NTHL1: variants seen among roughly 807,000 people sequenced by gnomAD.
The protein encoded by NTHL1 is endonuclease III-like protein 1.
In NTHL1, 32 loss-of-function variants were observed where a neutral mutation model predicts 32.3. That is an observed-to-expected ratio of 0.99 (90% CI 0.75 to 1.33). NTHL1 has a LOEUF of 1.33. Ranked by LOEUF, NTHL1 falls within the 40% of genes most tolerant of loss-of-function variation. The pLI, the probability that NTHL1 is intolerant of heterozygous loss-of-function variation, is 0.00. For missense variants in NTHL1, 501 were observed against 414.1 expected, an observed-to-expected ratio of 1.21 and a Z score of -1.82; for synonymous variants, 188 against 176.9, an observed-to-expected ratio of 1.06 and a Z score of -0.50.
Position 2,044,717 on chromosome 16 carries a change from C to T in NTHL1, c.438G>A (p.Leu146=), listed in dbSNP as rs201521100. ...DQVTAGAMQR[L]RARGLTVDSI... is the part of the protein sequence containing the mutation. ...TGTCCACCGTCAGGCCCCGCGCCCG[C>T]AGTCGCTGCATGGCGCCCGCCGTCA... Residue 146 remains leucine, a synonymous_variant, in exon 3 of 6, where the codon CTG becomes CTA. Transcript: ENST00000651570. This position sits in a 1 kb window ranked among gnomAD's most constrained non-coding sequence, Gnocchi z 5.0. 6 of 1,612,266 alleles carry T rather than the reference C, an allele frequency of 3.7e-6. No homozygotes were observed. Among genetic ancestry groups the T allele is most frequent in the Non-Finnish European group, 5.1e-6 (6 of 1,179,830 alleles).
chr16:2,046,854 C>T (rs2084430885), intron 1 of NTHL1: 1 of 157,128 alleles, frequency 6.4e-6, no homozygotes, highest in Non-Finnish European at 1.4e-5. Context: ...GGCCTATAGT[C>T]TCAGCTACTT....
chr16:2,046,184 C>T lies in NTHL1; in HGVS notation c.298G>A (p.Ala100Thr), dbSNP rs772576699. 14 of 1,613,162 alleles carry T rather than the reference C, an allele frequency of 8.7e-6. No homozygotes were observed. Among genetic ancestry groups the T allele is most frequent in the Non-Finnish European group, 1.2e-5 (14 of 1,180,014 alleles). ...TCAGTCCCCAGATGGTCCACAGGTG[C>T]ATCCTTTTTGTTCCTCATGGCACGG... ...NIRAMRNKKD[A>T]PVDHLGTEHC... The change falls in exon 2 of 6, where the codon GCA (alanine) becomes ACA (threonine). Residue 100 changes from alanine to threonine, a missense_variant. Coordinates refer to ENST00000651570, the MANE Select transcript of NTHL1 (RefSeq NM_002528.7).
rs532309638 is a variant in NTHL1, at chr16:2,040,989, C to T, written c.686-751G>A. On this transcript the variant is annotated intron_variant, in intron 4 of 5. Coordinates refer to ENST00000651570, the MANE Select transcript of NTHL1 (RefSeq NM_002528.7). Reference sequence around the variant, plus strand: ...CTGGCCGGCCGCAGCTGCTGTCCACCTGGGTTCTGGCTCCTGCTCCCCTCA... The same window carrying T: ...CTGGCCGGCCGCAGCTGCTGTCCACTTGGGTTCTGGCTCCTGCTCCCCTCA... Among the ~76,000 whole-genome samples, 887 of 152,350 alleles carry T rather than the reference C, an allele frequency of 5.8e-3. 5 individuals carry two copies. Among genetic ancestry groups the T allele is most frequent in the Non-Finnish European group, 9.9e-3 (672 of 68,026 alleles).
At chr16:2,042,304 A>G (rs2150940087) in intron 4 of NTHL1, among the ~76,000 whole-genome samples, 1 of 152,266 alleles carries the variant, frequency 6.6e-6, no homozygotes, top group African/African-American at 2.4e-5. Flanking sequence ...CCGCCCAGAT[A>G]AGCTCAAGTG....
chr16:2,047,463 A>C, intron 1 of NTHL1: 1 of 613,480 alleles, frequency 1.6e-6, no homozygotes, highest in Non-Finnish European at 2.8e-6. Flanking sequence ...TGGGAAAGGA[A>C]GCGTTTTCTT....
Position 2,043,785 on chromosome 16 carries a change from T to C in NTHL1, c.526-59A>G. 1.9e-6 allele frequency: 3 copies of C among 1,597,412 alleles called. No individual in the cohort carries two copies. Among genetic ancestry groups the C allele is most frequent in the Non-Finnish European group, 2.6e-6 (3 of 1,173,852 alleles). Reference sequence around the variant, plus strand: ...AAGGGCACAGCCCAACCTGGGAGGATGCAGCCCCCAGGAGACCCACAGGTG... The same window carrying C: ...AAGGGCACAGCCCAACCTGGGAGGACGCAGCCCCCAGGAGACCCACAGGTG... On this transcript the variant is annotated intron_variant, in intron 3 of 5. Transcript: ENST00000651570. This position sits in a 1 kb window ranked among gnomAD's most constrained non-coding sequence, Gnocchi z 4.4.
At chr16:2,042,623 A>C (rs1163825705) in intron 4 of NTHL1, among the ~76,000 whole-genome samples, 1 of 152,100 alleles carries the variant, frequency 6.6e-6, no homozygotes, top group African/African-American at 2.4e-5. Flanking sequence ...GTGTGGCCTT[A>C]GGAGCCCCAA....
intron 1 of NTHL1, chr16:2,047,320 C>T: frequency 3.5e-6 from 1 of 283,160 alleles, no homozygotes; most frequent in Non-Finnish European, 6.8e-6. Context: ...AGGCACCCTC[C>T]CCCGAGCTGG....
intron 4 of NTHL1, among the ~76,000 whole-genome samples, chr16:2,040,835 C>T (rs979611286): frequency 2.6e-5 from 4 of 152,218 alleles, no homozygotes; most frequent in Non-Finnish European, 4.4e-5. Context: ...AGGCTCCTCT[C>T]GGCATAAGCA....
Position 2,044,691 on chromosome 16 carries a change from C to T in NTHL1, c.464G>A (p.Ser155Asn), listed in dbSNP as rs1314362714. ...CGTGGCATCATCTGTCTGCAGGATG[C>T]TGTCCACCGTCAGGCCCCGCGCCCG... ...RLRARGLTVD[S>N]ILQTDDATLG... Residue 155 changes from serine to asparagine, a missense_variant, in exon 3 of 6, where the codon AGC becomes AAC. By Grantham distance (46) the Ser-to-Asn change is conservative (BLOSUM62 1). Coordinates refer to ENST00000651570, the MANE Select transcript of NTHL1 (RefSeq NM_002528.7). The surrounding 1 kb of genome is among the most constrained non-coding windows in gnomAD (Gnocchi z 5.0). 1 of 1,612,064 alleles carries T rather than the reference C, an allele frequency of 6.2e-7. No individual in the cohort carries two copies.
rs2150941122 is a variant in NTHL1, at chr16:2,043,561, A to G, written c.685+6T>C. 1 of 1,605,514 alleles carries G rather than the reference A, an allele frequency of 6.2e-7. No individual in the cohort carries two copies. ...GCTGGAGCCAGCCCCGCCCTCCTCT[A>G]CTCACCAATGCCTGACACAGTGCCC... is the stretch of plus-strand genomic sequence containing the variant. On this transcript the variant is annotated splice_donor_region_variant and intron_variant, in intron 4 of 5. Coordinates refer to ENST00000651570, the MANE Select transcript of NTHL1 (RefSeq NM_002528.7). The surrounding 1 kb of genome is among the most constrained non-coding windows in gnomAD (Gnocchi z 4.4).
intron 4 of NTHL1, 115 bp from the exon 5 acceptor site, chr16:2,040,353 G>A (rs968580515): frequency 1.2e-5 from 11 of 935,114 alleles, no homozygotes; most frequent in Non-Finnish European, 1.9e-5. Context: ...TTAGACATTG[G>A]AACCGCAAAG....
chr16:2,043,483 G>T lies in NTHL1; in HGVS notation c.685+84C>A, dbSNP rs1176026064. On this transcript the variant is annotated intron_variant, in intron 4 of 5. Coordinates refer to ENST00000651570, the MANE Select transcript of NTHL1 (RefSeq NM_002528.7). The surrounding 1 kb of genome is among the most constrained non-coding windows in gnomAD (Gnocchi z 4.4). ...GGCTGGGTGGAGGACCAGCATGCTG[G>T]AAGTGGAGTCACAGGTCACAAGGAT... 1.3e-5 allele frequency: 21 copies of T among 1,568,190 alleles called. No individual in the cohort carries two copies. Among genetic ancestry groups the T allele is most frequent in the Non-Finnish European group, 1.8e-5 (21 of 1,156,126 alleles).
chr16:2,046,054 A>C (rs574467357), intron 2 of NTHL1, 74 bp downstream of exon 2: 7 of 1,346,054 alleles, frequency 5.2e-6, no homozygotes, highest in Non-Finnish European at 6.3e-6. Context: ...GCCAGCCAAA[A>C]GCCACCGGGT....
chr16:2,046,393 TG>T, intron 1 of NTHL1, 27 bp from the exon 2 acceptor site: 1 of 1,592,362 alleles, frequency 6.3e-7, no homozygotes. Flanking sequence ...GCAGTCCCTC[TG>T]GTGGGGCCAC....
At chr16:2,041,798 C>T (rs3211985) in intron 4 of NTHL1, among the ~76,000 whole-genome samples, 7,319 of 152,070 alleles carry the variant, frequency 0.048, 608 homozygotes, top group African/African-American at 0.17. Flanking sequence ...TTAGTAGAGA[C>T]GGGGTTTCAC....
At chr16:2,047,551 G>A (rs2084497634) in intron 1 of NTHL1, 158 bp downstream of exon 1, 1 of 1,233,546 alleles carries the variant, frequency 8.1e-7, no homozygotes, top group East Asian at 2.7e-5. Flanking sequence ...GGAAAAAGGC[G>A]CAAGGTGGGA....
rs2150942704 is a variant in NTHL1 at position 2,044,889 on chromosome 16, G to C, written c.355-89C>G. 7.0e-7 allele frequency: 1 copy of C among 1,437,604 alleles called. No homozygotes were observed. The highest frequency in any genetic ancestry group is 1.4e-5 in the African/African-American group (1 of 71,218). The allele number at this position is 1,437,604 out of a possible 1,614,324, so 89.1% of individuals were successfully genotyped here. ...CGCCCCCCGCCCTCGACACACCCTG[G>C]TTTGTTGCCCTGGGCCACACTTGAG... On this transcript the variant is annotated intron_variant, in intron 2 of 5. Coordinates refer to ENST00000651570, the MANE Select transcript of NTHL1 (RefSeq NM_002528.7). The surrounding 1 kb of genome is among the most constrained non-coding windows in gnomAD (Gnocchi z 5.0).
chr16:2,044,578 GTC>G lies in NTHL1; in HGVS notation c.525+50_525+51del. ...TCGCCACCCCCCTCAGCCTTCTGAG[GTC>G]TCTCTCAGGCCACTGCCACCCGGCC... is the stretch of plus-strand genomic sequence containing the variant. On this transcript the variant is annotated intron_variant, in intron 3 of 5. Coordinates refer to ENST00000651570, the MANE Select transcript of NTHL1 (RefSeq NM_002528.7). The surrounding 1 kb of genome is among the most constrained non-coding windows in gnomAD (Gnocchi z 5.0). 6.3e-7 allele frequency: 1 copy of G among 1,595,054 alleles called. No homozygotes were observed. Among genetic ancestry groups the G allele is most frequent in the South Asian group, 1.1e-5 (1 of 90,962 alleles).
Sources: allele counts gnomAD v4.1 joint callset (sites outside exome capture counted in the v4.1 genomes callset), GRCh38; gene constraint gnomAD v4.1.1; non-coding constraint Gnocchi (gnomAD v3.1); transcripts MANE v1.5; gene names NCBI Gene and HGNC (gene_info 2026-07-23, HGNC 2026-07-21).